TRABD2B: variants seen among roughly 807,000 people sequenced by gnomAD.
TRABD2B encodes the protein metalloprotease TIKI2.
In TRABD2B, 14 loss-of-function variants were observed where a neutral mutation model predicts 40.1. The ratio of observed to expected loss-of-function variants is 0.35; its 90% CI spans 0.23 to 0.55. TRABD2B has a LOEUF of 0.55. Among genes scored for constraint, TRABD2B ranks in the 20% least tolerant of loss-of-function variants. The pLI is 0.90. For missense variants in TRABD2B, 541 were observed against 648.6 expected (o/e 0.83, Z 1.80); for synonymous variants, 263 against 277.0 (o/e 0.95, Z 0.50).
At chr1:47,801,653 T>C in intron 2 of TRABD2B, 34 bp from the exon 3 acceptor site, 1 of 1,531,730 alleles carries the variant, frequency 6.5e-7, no homozygotes, top group Non-Finnish European at 8.7e-7. Context: ...ATGAGGGCTG[T>C]GCTCAGGGAC....
intron 2 of TRABD2B, among the ~76,000 whole-genome samples, chr1:47,937,632 G>T (rs1645130781): frequency 6.8e-6 from 1 of 147,518 alleles, no homozygotes; most frequent in Non-Finnish European, 1.5e-5. Context: ...ACCATTCACA[G>T]AATTTTTAGG....
intron 6 of TRABD2B, among the ~76,000 whole-genome samples, chr1:47,772,273 C>G (rs1411769160): frequency 6.6e-6 from 1 of 152,006 alleles, no homozygotes; most frequent in Admixed American, 6.6e-5. Context: ...AGGCAGGTAT[C>G]TGGCACAGCA....
intron 2 of TRABD2B, among the ~76,000 whole-genome samples, chr1:47,964,195 C>A (rs1645564215): frequency 6.6e-6 from 1 of 152,168 alleles, no homozygotes; most frequent in Non-Finnish European, 1.5e-5. Flanking sequence ...TGGAAATTAA[C>A]AGAGATGAAA....
chr1:47,904,421 AACTCTT>A lies in TRABD2B; in HGVS notation c.666+89607_666+89612del, dbSNP rs1422436972. On this transcript the variant is annotated intron_variant, in intron 2 of 6. Transcript: ENST00000606738. ...GATGGTTCCTTTCCCATCCTGGGGC[AACTCTT>A]ATAGGAGCAAATATTCAACCCCTGA... Among the ~76,000 whole-genome samples, 4 of 152,342 alleles carry A rather than the reference AACTCTT, an allele frequency of 2.6e-5. 1 individual carries two copies. The highest frequency in any genetic ancestry group is 6.8e-3 in the Middle Eastern group (2 of 294).
intron 2 of TRABD2B, among the ~76,000 whole-genome samples, chr1:47,911,382 T>A (rs944057404): frequency 6.6e-6 from 1 of 152,142 alleles, no homozygotes; most frequent in Non-Finnish European, 1.5e-5. Flanking sequence ...TACAACCTTT[T>A]CCCCAGGCCT....
At chr1:47,834,604 G>C (rs1030910627) in intron 2 of TRABD2B, among the ~76,000 whole-genome samples, 1 of 135,844 alleles carries the variant, frequency 7.4e-6, no homozygotes, top group Admixed American at 7.1e-5. Context: ...CACACACACA[G>C]AGCCCTTCAG....
At position 47,996,801 on chromosome 1, in the gene TRABD2B, CCGCGGGG is replaced by C; in HGVS notation, c.-19_-13del. ...AGGGCGGCGTGCATCCTGCCAGGGC[CCGCGGGG>C]CGCGGGGGACCCTCCTGGGCGGCGC... On this transcript the variant is annotated 5_prime_UTR_variant, in exon 1 of 7. Coordinates refer to ENST00000606738, the MANE Select transcript of TRABD2B (RefSeq NM_001194986.2). This position sits in a 1 kb window ranked among gnomAD's most constrained non-coding sequence, Gnocchi z 4.6. 1 of 1,189,974 alleles carries C rather than the reference CCGCGGGG, an allele frequency of 8.4e-7. No homozygotes were observed. The highest frequency in any genetic ancestry group is 1.0e-6 in the Non-Finnish European group (1 of 960,910). The allele number at this position is 1,189,974 out of a possible 1,614,324, so 73.7% of individuals were successfully genotyped here.
intron 4 of TRABD2B, among the ~76,000 whole-genome samples, chr1:47,789,050 A>G (rs1398695116): frequency 3.3e-5 from 5 of 152,144 alleles, no homozygotes; most frequent in Admixed American, 1.3e-4. Context: ...TTGGGCCTGG[A>G]GATACCTTGA....
At chr1:47,938,666 T>G (rs1645145185) in intron 2 of TRABD2B, among the ~76,000 whole-genome samples, 1 of 152,198 alleles carries the variant, frequency 6.6e-6, no homozygotes, top group African/African-American at 2.4e-5. Flanking sequence ...GATCTCCCAC[T>G]TTCCTTTTAC....
chr1:47,826,727 T>C (rs1004918299), intron 2 of TRABD2B, among the ~76,000 whole-genome samples: 1 of 152,148 alleles, frequency 6.6e-6, no homozygotes, highest in African/African-American at 2.4e-5. Flanking sequence ...GTGCGTGCCA[T>C]CATGCCTGGC....
intron 2 of TRABD2B, among the ~76,000 whole-genome samples, chr1:47,957,220 G>A (rs1378990565): frequency 6.6e-6 from 1 of 152,184 alleles, no homozygotes; most frequent in African/African-American, 2.4e-5. Flanking sequence ...ACCATCATCA[G>A]AGACCAAAAG....
At chr1:47,896,848 G>A (rs142822585) in intron 2 of TRABD2B, among the ~76,000 whole-genome samples, 11 of 152,306 alleles carry the variant, frequency 7.2e-5, no homozygotes, top group African/African-American at 2.4e-4. Flanking sequence ...TGTGTTATGA[G>A]GATTAAGCAA....
intron 2 of TRABD2B, among the ~76,000 whole-genome samples, chr1:47,827,993 G>T (rs142780155): frequency 2.7e-4 from 41 of 152,290 alleles, no homozygotes; most frequent in African/African-American, 7.5e-4. Flanking sequence ...AGGTCAGAAG[G>T]CTTGGCCACC....
chr1:47,963,021 C>T (rs1645544960), intron 2 of TRABD2B, among the ~76,000 whole-genome samples: 1 of 152,256 alleles, frequency 6.6e-6, no homozygotes, highest in Non-Finnish European at 1.5e-5. Context: ...AGAATTTTGG[C>T]ATCCATCCAT....
chr1:47,951,734 G>A (rs1233491157), intron 2 of TRABD2B, among the ~76,000 whole-genome samples: 1 of 152,170 alleles, frequency 6.6e-6, no homozygotes, highest in African/African-American at 2.4e-5. Context: ...CCCTCACCTT[G>A]GTCCAGAGGC....
intron 2 of TRABD2B, among the ~76,000 whole-genome samples, chr1:47,826,651 G>T (rs1318046002): frequency 2.0e-5 from 3 of 152,062 alleles, no homozygotes; most frequent in Admixed American, 6.6e-5. Flanking sequence ...ATAACTCACT[G>T]CAGCCTCAAA....
chr1:47,861,328 G>A (rs1010626274), intron 2 of TRABD2B, among the ~76,000 whole-genome samples: 11 of 152,000 alleles, frequency 7.2e-5, no homozygotes, highest in Admixed American at 2.0e-4. Flanking sequence ...AGTAGAGGCC[G>A]GGAATGTTGT....
intron 2 of TRABD2B, among the ~76,000 whole-genome samples, chr1:47,816,388 G>C (rs1645033246): frequency 6.6e-6 from 1 of 152,190 alleles, no homozygotes; most frequent in Non-Finnish European, 1.5e-5. Context: ...TGGACTCTCA[G>C]AAGTACTTGG....
intron 2 of TRABD2B, among the ~76,000 whole-genome samples, chr1:47,929,790 G>T (rs1289559891): frequency 6.6e-6 from 1 of 152,146 alleles, no homozygotes; most frequent in Non-Finnish European, 1.5e-5. Flanking sequence ...ACCTGGTGTG[G>T]ACAACTCCAG....
Sources: gnomAD v4.1 joint callset for allele counts (sites outside exome capture counted in the v4.1 genomes callset) on GRCh38, gnomAD v4.1.1 for gene constraint, Gnocchi (gnomAD v3.1) non-coding constraint, MANE v1.5 for transcripts, NCBI Gene and HGNC (gene_info 2026-07-23, HGNC 2026-07-21) for gene names.